Variants in CAMTA1 observed in about 807,000 individuals in gnomAD.
The protein encoded by CAMTA1 is calmodulin binding transcription activator 1.
Under a neutral mutation model 170.9 loss-of-function variants are expected in CAMTA1, and 27 were observed. That is an observed-to-expected ratio of 0.16 (90% confidence interval 0.12 to 0.22). The LOEUF (loss-of-function observed/expected upper bound fraction) is 0.22. Ranked by LOEUF, CAMTA1 falls within the 10% of genes least tolerant of loss-of-function variation. CAMTA1 has a pLI of 1.00. For missense variants in CAMTA1, 1,619 were observed against 2,217.2 expected, an observed-to-expected ratio of 0.73 and a Z score of 5.42; for synonymous variants, 833 against 891.5, an observed-to-expected ratio of 0.93 and a Z score of 1.17.
At chr1:7,016,332 A>G (rs1700534643) in intron 3 of CAMTA1, among the ~76,000 whole-genome samples, 1 of 152,112 alleles carries the variant, frequency 6.6e-6, no homozygotes. Context: ...TGCATGTCCT[A>G]TGTCACTAGA....
intron 10 of CAMTA1, among the ~76,000 whole-genome samples, chr1:7,676,097 G>A (rs527254712): frequency 8.5e-5 from 13 of 152,336 alleles, no homozygotes; most frequent in South Asian, 4.1e-4. Flanking sequence ...AGCCCTGAGC[G>A]GGCTCCGATG....
chr1:7,746,173 A>C, intron 18 of CAMTA1, 82 bp downstream of exon 18: 1 of 1,483,072 alleles, frequency 6.7e-7, no homozygotes, highest in South Asian at 1.3e-5. Context: ...GCGAACAAAA[A>C]CATTTACTAT....
intron 5 of CAMTA1, among the ~76,000 whole-genome samples, chr1:7,384,059 C>A (rs547115593): frequency 8.5e-5 from 13 of 152,266 alleles, no homozygotes; most frequent in Admixed American, 7.9e-4. Context: ...ACGCCCTGCT[C>A]CAACTCCCAG....
At chr1:7,439,801 C>T (rs1285762950) in intron 5 of CAMTA1, among the ~76,000 whole-genome samples, 5 of 152,184 alleles carry the variant, frequency 3.3e-5, no homozygotes, top group African/African-American at 4.8e-5. Context: ...GGGAGAGTGC[C>T]GAGCCCAGCC....
At chr1:7,587,715 G>C (rs2095322918) in intron 6 of CAMTA1, among the ~76,000 whole-genome samples, 1 of 151,926 alleles carries the variant, frequency 6.6e-6, no homozygotes, top group African/African-American at 2.4e-5. Flanking sequence ...AGACACCTGG[G>C]CTCCCCCGAG....
rs766469940 is a variant in CAMTA1, at chr1:7,007,950, G to A, written c.235-83354G>A. ...ATACAATTGAGTGACAGAGCCCTGCGTGGAAAGGGAGGCCCGTGTTGGTGC... is the reference window on the plus strand; with the variant it reads ...ATACAATTGAGTGACAGAGCCCTGCATGGAAAGGGAGGCCCGTGTTGGTGC... On this transcript the variant is annotated intron_variant, in intron 3 of 22. Transcript: ENST00000303635. The surrounding 1 kb of genome is among the most constrained non-coding windows in gnomAD (Gnocchi z 4.5). 2.6e-5 allele frequency among the ~76,000 whole-genome samples: 4 copies of A among 152,314 alleles called. No individual in the cohort carries two copies. The highest frequency in any genetic ancestry group is 4.8e-5 in the African/African-American group (2 of 41,568).
chr1:7,504,125 G>A (rs1002707079), intron 6 of CAMTA1, among the ~76,000 whole-genome samples: 18 of 152,174 alleles, frequency 1.2e-4, no homozygotes, highest in South Asian at 2.1e-4. Context: ...TACCATGGCC[G>A]GGGGACTCTG....
At chr1:7,228,022 A>G (rs1662030375) in intron 4 of CAMTA1, among the ~76,000 whole-genome samples, 1 of 152,180 alleles carries the variant, frequency 6.6e-6, no homozygotes, top group Admixed American at 6.5e-5. Context: ...TGGCAGTAAA[A>G]CATTATTTTC....
At chr1:7,474,565 A>G (rs965718448) in intron 6 of CAMTA1, among the ~76,000 whole-genome samples, 3 of 152,180 alleles carry the variant, frequency 2.0e-5, no homozygotes, top group Non-Finnish European at 4.4e-5. Flanking sequence ...AGCGTCTGTG[A>G]CATCCCCACC....
At chr1:6,896,850 C>A (rs1297061961) in intron 3 of CAMTA1, among the ~76,000 whole-genome samples, 1 of 152,162 alleles carries the variant, frequency 6.6e-6, no homozygotes, top group Non-Finnish European at 1.5e-5. Context: ...ACTCAGGAGA[C>A]CCATCTGCTT....
chr1:6,952,300 G>A (rs914727650), intron 3 of CAMTA1, among the ~76,000 whole-genome samples: 11 of 151,416 alleles, frequency 7.3e-5, no homozygotes, highest in Admixed American at 4.6e-4. Context: ...GCATGGTGGC[G>A]GGTGCCTGTA....
Position 7,455,358 on chromosome 1 carries a change from GC to G in CAMTA1, c.439-12469del, listed in dbSNP as rs2092925850. ...AATCGGGAAAAGGCCGATTCCCTCT[GC>G]CCAGCCCATTAATTCTGCATGCTCA... is the stretch of plus-strand genomic sequence containing the variant. On this transcript the variant is annotated intron_variant, in intron 5 of 22. Transcript: ENST00000303635. The surrounding 1 kb of genome is among the most constrained non-coding windows in gnomAD (Gnocchi z 5.0). Among the ~76,000 whole-genome samples the G allele has an allele frequency of 2.0e-5, 3 of 152,310 alleles. No individual in the cohort carries two copies. Among genetic ancestry groups the G allele is most frequent in the Admixed American group, 2.0e-4 (3 of 15,310 alleles).
chr1:7,520,476 G>A (rs537848198), intron 6 of CAMTA1, among the ~76,000 whole-genome samples: 18 of 151,092 alleles, frequency 1.2e-4, no homozygotes, highest in Non-Finnish European at 2.5e-4. Flanking sequence ...TCCAGTCTCA[G>A]GCGCCCATCC....
At chr1:7,596,731 C>G (rs920053352) in intron 6 of CAMTA1, among the ~76,000 whole-genome samples, 1 of 152,252 alleles carries the variant, frequency 6.6e-6, no homozygotes, top group Non-Finnish European at 1.5e-5. Context: ...CCGTCAAGCC[C>G]CACGGCACTT....
chr1:7,018,359 G>A (rs909931575), intron 3 of CAMTA1, among the ~76,000 whole-genome samples: 7 of 152,142 alleles, frequency 4.6e-5, no homozygotes, highest in African/African-American at 1.7e-4. Context: ...CTGGTGGCTC[G>A]CAGTGCTTAT....
rs1212108956 is a variant in CAMTA1 at position 7,251,021 on chromosome 1, A to G, written c.438+1395A>G. Among the ~76,000 whole-genome samples the G allele has an allele frequency of 1.3e-5, 2 of 152,062 alleles. No individual in the cohort carries two copies. Among genetic ancestry groups the G allele is most frequent in the Non-Finnish European group, 2.9e-5 (2 of 68,014 alleles). Reference sequence around the variant, plus strand: ...CCCTCATCTCCTACGCTGGAGGGAGAGGTAGAGAGTGAGGCAAGGCTGGGT... The same window carrying G: ...CCCTCATCTCCTACGCTGGAGGGAGGGGTAGAGAGTGAGGCAAGGCTGGGT... On this transcript the variant is annotated intron_variant, in intron 5 of 22. Transcript: ENST00000303635. This position sits in a 1 kb window ranked among gnomAD's most constrained non-coding sequence, Gnocchi z 5.1.
At chr1:7,003,937 T>C (rs1698608024) in intron 3 of CAMTA1, among the ~76,000 whole-genome samples, 1 of 152,182 alleles carries the variant, frequency 6.6e-6, no homozygotes, top group Admixed American at 6.5e-5. Flanking sequence ...GAAAATTAAC[T>C]CCCCGAAAGG....
chr1:7,089,842 A>G (rs1234486566), intron 3 of CAMTA1, among the ~76,000 whole-genome samples: 2 of 152,224 alleles, frequency 1.3e-5, no homozygotes, highest in African/African-American at 4.8e-5. Flanking sequence ...AGGGCCAGCC[A>G]GAGGAAGGAT....
At chr1:6,808,641 T>C (rs1644811738) in intron 1 of CAMTA1, among the ~76,000 whole-genome samples, 1 of 152,212 alleles carries the variant, frequency 6.6e-6, no homozygotes, top group Non-Finnish European at 1.5e-5. Flanking sequence ...TTGGAGTTGC[T>C]TGTTTACTTC....
Sources: allele counts gnomAD v4.1 joint callset (sites outside exome capture counted in the v4.1 genomes callset), GRCh38; gene constraint gnomAD v4.1.1; non-coding constraint Gnocchi (gnomAD v3.1); transcripts MANE v1.5; gene names NCBI Gene and HGNC (gene_info 2026-07-23, HGNC 2026-07-21).